Variants in CNTRL observed in about 807,000 individuals in gnomAD.
CNTRL encodes the protein centriolin, also known as 110 kDa centrosomal protein.
CNTRL carries 233 observed loss-of-function variants against 303.7 expected under a neutral mutation model. The observed-to-expected ratio is 0.77, with a 90% confidence interval of 0.69 to 0.86. The LOEUF is 0.86. Among genes scored for constraint, CNTRL ranks in the 40% least tolerant of loss-of-function variants. The pLI is 0.00. For synonymous variants in CNTRL, 900 were observed against 922.2 expected, an observed-to-expected ratio of 0.98 and a Z score of 0.44; for missense variants, 2,524 against 2,650.6, an observed-to-expected ratio of 0.95 and a Z score of 1.05.
intron 8 of CNTRL, 39 bp from the exon 9 acceptor site, chr9:121,112,420 T>C: frequency 6.3e-7 from 1 of 1,596,244 alleles, no homozygotes; most frequent in East Asian, 2.2e-5. Flanking sequence ...ACTAACTTAC[T>C]GATCCTGTAT....
chr9:121,154,935 G>A, intron 27 of CNTRL, 22 bp downstream of exon 27: 3 of 1,608,018 alleles, frequency 1.9e-6, no homozygotes, highest in Non-Finnish European at 2.6e-6. Context: ...TGTGGTTTGG[G>A]GTGTGAGCTC....
chr9:121,140,414 C>T (rs558179200), intron 16 of CNTRL, among the ~76,000 whole-genome samples: 3 of 152,344 alleles, frequency 2.0e-5, no homozygotes, highest in East Asian at 3.9e-4. Flanking sequence ...CCAGATGGAA[C>T]AGGCACTTGA....
intron 7 of CNTRL, among the ~76,000 whole-genome samples, chr9:121,100,993 G>A (rs1219363224): frequency 6.7e-6 from 1 of 149,158 alleles, no homozygotes; most frequent in Non-Finnish European, 1.5e-5. Context: ...GTCAATGTTA[G>A]ATCCACAAGA....
chr9:121,078,469 G>A (rs1369538213), intron 1 of CNTRL, among the ~76,000 whole-genome samples: 2 of 152,096 alleles, frequency 1.3e-5, no homozygotes, highest in Non-Finnish European at 2.9e-5. Context: ...CCCACTATAC[G>A]CTCACAACAT....
At chr9:121,086,026 A>G (rs914928498) in intron 2 of CNTRL, among the ~76,000 whole-genome samples, 14 of 152,228 alleles carry the variant, frequency 9.2e-5, no homozygotes, top group Non-Finnish European at 1.6e-4. Flanking sequence ...GTATCTTAAT[A>G]GTCTAAGCAA....
chr9:121,125,572 A>C, intron 13 of CNTRL, 144 bp from the exon 14 acceptor site: 1 of 703,266 alleles, frequency 1.4e-6, no homozygotes, highest in Non-Finnish European at 2.4e-6. Context: ...ATAGGAAGAA[A>C]ATTTAACATT....
At chr9:121,077,965 A>G (rs1399775334) in intron 1 of CNTRL, among the ~76,000 whole-genome samples, 4 of 152,134 alleles carry the variant, frequency 2.6e-5, no homozygotes, top group Non-Finnish European at 5.9e-5. Context: ...AAAAACGCCA[A>G]CTACGTACTA....
intron 8 of CNTRL, among the ~76,000 whole-genome samples, chr9:121,111,471 C>G (rs1000057480): frequency 6.6e-6 from 1 of 152,042 alleles, no homozygotes; most frequent in Non-Finnish European, 1.5e-5. Flanking sequence ...AAATCATGCA[C>G]GACTTTGATT....
At chr9:121,081,212 A>ATAT (rs2048126919) in intron 2 of CNTRL, among the ~76,000 whole-genome samples, 1 of 152,242 alleles carries the variant, frequency 6.6e-6, no homozygotes, top group Non-Finnish European at 1.5e-5. Flanking sequence ...GTATAATCAC[A>ATAT]GCTTATATGT....
chr9:121,161,163 C>T, intron 32 of CNTRL: 2 of 388,910 alleles, frequency 5.1e-6, no homozygotes, highest in African/African-American at 2.1e-5. Context: ...TGCTCACGCG[C>T]ACACACATGC....
chr9:121,134,064 T>G (rs886832219), intron 14 of CNTRL, among the ~76,000 whole-genome samples: 1 of 152,206 alleles, frequency 6.6e-6, no homozygotes, highest in African/African-American at 2.4e-5. Context: ...ACAAATAGTT[T>G]GGTGAACATC....
At chr9:121,111,654 TTAG>T (rs1393732057) in intron 8 of CNTRL, among the ~76,000 whole-genome samples, 1 of 152,140 alleles carries the variant, frequency 6.6e-6, no homozygotes, top group African/African-American at 2.4e-5. Context: ...AAAGTTTGGT[TTAG>T]TAGAAAGGAG....
intron 26 of CNTRL, 56 bp from the exon 27 acceptor site, chr9:121,154,665 G>A: frequency 1.9e-6 from 2 of 1,029,936 alleles, no homozygotes; most frequent in East Asian, 2.5e-5. Flanking sequence ...TAGGCTACAA[G>A]TATCTGTATT....
chr9:121,142,244 G>T lies in CNTRL; in HGVS notation c.2845G>T (p.Ala949Ser). Residue 949 changes from alanine (A) to serine (S), a missense_variant, in exon 19 of 44, where the codon GCC (alanine) becomes TCC (serine). Ala to Ser is a moderately conservative substitution (Grantham distance 99). Coordinates refer to ENST00000373855, the MANE Select transcript of CNTRL (RefSeq NM_007018.6). ...EADEEKERILAQLRELEKKKK... is the reference protein window; with the variant it reads ...EADEEKERILSQLRELEKKKK... ...TGATGAAGAGAAGGAGAGAATTCTG[G>T]CCCAACTCCGAGAGTTAGAGAAAAA... 1 of 1,603,534 alleles carries T rather than the reference G, an allele frequency of 6.2e-7. No individual in the cohort carries two copies.
rs1305453514 is a variant in CNTRL at position 121,135,994 on chromosome 9, C to T, written c.2202+12C>T. 6.3e-7 allele frequency: 1 copy of T among 1,578,114 alleles called. No homozygotes were observed. On this transcript the variant is annotated intron_variant, in intron 15 of 43. Transcript: ENST00000373855. Reference sequence around the variant, plus strand: ...CAAGACTTACCCAGGTAAGTAGGAGCATGAAGCCAACTGCAAACTAAGGAC... The same window carrying T: ...CAAGACTTACCCAGGTAAGTAGGAGTATGAAGCCAACTGCAAACTAAGGAC...
In CNTRL at chr9:121,075,050, C is replaced by G; in HGVS notation, c.-222C>G. On this transcript the variant is annotated 5_prime_UTR_variant, in exon 1 of 44. Coordinates refer to ENST00000373855, the MANE Select transcript of CNTRL (RefSeq NM_007018.6). ...CTCTACCTCAGCCTGCGGGACTGCT[C>G]GGCTCGGCTTCTAGGCGGTGAGCGT... The G allele has an allele frequency of 1.2e-5, 5 of 431,824 alleles. No homozygotes were observed. Among genetic ancestry groups the G allele is most frequent in the South Asian group, 8.1e-5 (5 of 61,790 alleles). 26.7% of individuals were successfully genotyped at this position (431,824 alleles called of 1,614,324 possible).
Position 121,152,607 on chromosome 9 carries a change from TA to T in CNTRL, c.4087del (p.Ile1363LeufsTer11), listed in dbSNP as rs1325590166. On this transcript the variant is annotated frameshift_variant, in exon 26 of 44. Coordinates refer to ENST00000373855, the MANE Select transcript of CNTRL (RefSeq NM_007018.6). LOFTEE classifies it high-confidence loss of function. Reference protein sequence around the residue: ...EKEMEELHHNIDDLLQEKKSL... With the variant: ...EKEMEELHHNXDDLLQEKKSL... The stretch of plus-strand genomic sequence containing the variant: ...AAGAAATGGAAGAACTGCATCATAA[TA>T]TTGATGATCTTTTGCAAGAGAAGAA... 5 of 1,613,824 alleles carry T rather than the reference TA, an allele frequency of 3.1e-6. No homozygotes were observed. The highest frequency in any genetic ancestry group is 4.2e-6 in the Non-Finnish European group (5 of 1,179,854).
At position 121,136,017 on chromosome 9, in the gene CNTRL, G is replaced by A. The variant is rs1378451309; in HGVS notation, c.2202+35G>A. On this transcript the variant is annotated intron_variant, in intron 15 of 43. Transcript: ENST00000373855. ...AGCATGAAGCCAACTGCAAACTAAGGACCCTGTGCCTTAAGATATCATCCT... is the reference window on the plus strand; with the variant it reads ...AGCATGAAGCCAACTGCAAACTAAGAACCCTGTGCCTTAAGATATCATCCT... The A allele has an allele frequency of 2.0e-6, 3 of 1,522,988 alleles. No individual in the cohort carries two copies. In the South Asian group the frequency reaches 3.6e-5, roughly 19 times the overall value. The allele number at this position is 1,522,988 out of a possible 1,614,324, so 94.3% of individuals were successfully genotyped here.
chr9:121,127,546 G>A (rs1218829076), intron 14 of CNTRL, among the ~76,000 whole-genome samples: 1 of 151,860 alleles, frequency 6.6e-6, no homozygotes, highest in South Asian at 2.1e-4. Flanking sequence ...CAGGAAAGTT[G>A]CAAGAGGAAT....
Sources: gnomAD v4.1 joint callset for allele counts (sites outside exome capture counted in the v4.1 genomes callset) on GRCh38, gnomAD v4.1.1 for gene constraint, MANE v1.5 for transcripts, NCBI Gene and HGNC (gene_info 2026-07-23, HGNC 2026-07-21) for gene names.